KHDRBS2: variants seen among roughly 807,000 people sequenced by gnomAD.
KHDRBS2 encodes KH RNA binding domain containing, signal transduction associated 2, also known as KH domain-containing, RNA-binding, signal transduction-associated protein 2.
Under a neutral mutation model 44.3 loss-of-function variants are expected in KHDRBS2, and 26 were observed. That is an observed-to-expected ratio of 0.59 (90% CI 0.43 to 0.81). The LOEUF (loss-of-function observed/expected upper bound fraction) is 0.81, where lower values mean the gene tolerates loss of function less well. Among genes scored for constraint, KHDRBS2 ranks in the 40% least tolerant of loss-of-function variants. KHDRBS2 has a pLI of 0.00. For synonymous variants in KHDRBS2, 194 were observed against 151.1 expected (o/e 1.28, Z -2.08); for missense variants, 476 against 433.1 (o/e 1.10, Z -0.88).
the KHDRBS2 span, among the ~76,000 whole-genome samples, chr6:61,547,678 C>A: frequency 1.3e-5 from 2 of 152,196 alleles, no homozygotes; most frequent in East Asian, 3.9e-4. Context: ...CAATGCTGGA[C>A]CAATTAAGCC....
At chr6:61,772,437 A>G (rs572808290) in intron 6 of KHDRBS2, among the ~76,000 whole-genome samples, 3 of 152,132 alleles carry the variant, frequency 2.0e-5, no homozygotes, top group Non-Finnish European at 4.4e-5. Flanking sequence ...ACCAATAAAG[A>G]AGAAAAGAAT....
intron 1 of KHDRBS2, among the ~76,000 whole-genome samples, chr6:62,182,348 T>C (rs1822490997): frequency 1.3e-5 from 2 of 151,926 alleles, no homozygotes; most frequent in African/African-American, 4.8e-5. Flanking sequence ...GATACAAAGT[T>C]TCAGCTGTAA....
chr6:61,897,810 C>T (rs1486968939), intron 5 of KHDRBS2, among the ~76,000 whole-genome samples: 1 of 152,038 alleles, frequency 6.6e-6, no homozygotes, highest in East Asian at 1.9e-4. Context: ...TGACTACTCT[C>T]CTCTTTAACA....
intron 1 of KHDRBS2, among the ~76,000 whole-genome samples, chr6:62,237,811 T>A (rs1833940002): frequency 6.6e-6 from 1 of 151,906 alleles, no homozygotes; most frequent in Non-Finnish European, 1.5e-5. Flanking sequence ...GAGGCAGAGG[T>A]GGGCAGATCA....
intron 1 of KHDRBS2, among the ~76,000 whole-genome samples, chr6:62,253,905 G>GC (rs1836954550): frequency 6.6e-6 from 1 of 151,758 alleles, no homozygotes; most frequent in Admixed American, 6.6e-5. Context: ...CATTTACATA[G>GC]CCCTGAGGAC....
chr6:61,613,471 C>T, the KHDRBS2 span, among the ~76,000 whole-genome samples: 89,944 of 152,018 alleles, frequency 0.59, 26,819 homozygotes, highest in Non-Finnish European at 0.61. Flanking sequence ...CGACAGATGA[C>T]ATTTGTTGTG....
At chr6:61,785,240 A>T (rs1401635555) in intron 6 of KHDRBS2, among the ~76,000 whole-genome samples, 1 of 152,084 alleles carries the variant, frequency 6.6e-6, no homozygotes, top group Non-Finnish European at 1.5e-5. Flanking sequence ...TGCTACTCAG[A>T]ATCTAATACT....
chr6:62,198,023 C>G (rs1261740293), intron 1 of KHDRBS2, among the ~76,000 whole-genome samples: 2 of 151,954 alleles, frequency 1.3e-5, no homozygotes, highest in African/African-American at 4.8e-5. Context: ...GAAATAAAGA[C>G]GTTCTTTGAA....
intron 3 of KHDRBS2, among the ~76,000 whole-genome samples, chr6:62,003,773 ACTC>A (rs1224429570): frequency 6.6e-6 from 1 of 152,116 alleles, no homozygotes; most frequent in Non-Finnish European, 1.5e-5. Context: ...GAAGTAAAGC[ACTC>A]CTCAGCAAAT....
chr6:61,788,118 G>A (rs1474629736), intron 6 of KHDRBS2, among the ~76,000 whole-genome samples: 1 of 151,480 alleles, frequency 6.6e-6, no homozygotes, highest in African/African-American at 2.4e-5. Context: ...TACAAATACG[G>A]ACAAAATAAT....
chr6:62,093,239 T>A (rs888147334), intron 2 of KHDRBS2, among the ~76,000 whole-genome samples: 11 of 148,688 alleles, frequency 7.4e-5, no homozygotes, highest in African/African-American at 1.7e-4. Flanking sequence ...AAAAAAAAAA[T>A]TAAAAGAAGG....
chr6:61,605,016 G>C, the KHDRBS2 span, among the ~76,000 whole-genome samples: 3 of 152,090 alleles, frequency 2.0e-5, no homozygotes. Flanking sequence ...CTTCAGAAAA[G>C]GTAGAATGGA....
intron 4 of KHDRBS2, among the ~76,000 whole-genome samples, chr6:61,908,906 C>T (rs1463085009): frequency 1.3e-5 from 2 of 152,032 alleles, no homozygotes; most frequent in East Asian, 1.9e-4. Context: ...AATAAAATAT[C>T]CACACTCAAA....
chr6:62,055,370 C>A (rs1052951878), intron 2 of KHDRBS2, among the ~76,000 whole-genome samples: 4 of 151,858 alleles, frequency 2.6e-5, no homozygotes, highest in Non-Finnish European at 5.9e-5. Flanking sequence ...AATTTAAGAC[C>A]ATGATGACAT....
chr6:62,026,440 T>TA (rs199909533), intron 3 of KHDRBS2, among the ~76,000 whole-genome samples: 29,169 of 108,482 alleles, frequency 0.27, 3,327 homozygotes, highest in Admixed American at 0.38. Context: ...TTATTATTAT[T>TA]TTTTTTTTTG....
At chr6:61,607,147 C>T in the KHDRBS2 span, among the ~76,000 whole-genome samples, 1 of 151,050 alleles carries the variant, frequency 6.6e-6, no homozygotes, top group Non-Finnish European at 1.5e-5. Context: ...TAAAAAAGGA[C>T]AAAGTAGAGA....
chr6:62,257,833 A>G (rs1185575672), intron 1 of KHDRBS2, among the ~76,000 whole-genome samples: 1 of 151,950 alleles, frequency 6.6e-6, no homozygotes, highest in Non-Finnish European at 1.5e-5. Context: ...TTTTTTCCCC[A>G]GAAGCATAAA....
chr6:62,104,445 T>G lies in KHDRBS2; in HGVS notation c.220-56451A>C, dbSNP rs574793137. ...TTGAAATCATTCAAGTCATGCATCG[T>G]TATGTTCTATTACCATAATGGAATA... is the stretch of plus-strand genomic sequence containing the variant. On this transcript the variant is annotated intron_variant, in intron 2 of 8. Transcript: ENST00000281156. Among the ~76,000 whole-genome samples the G allele has an allele frequency of 5.9e-5, 9 of 152,322 alleles. No individual in the cohort carries two copies. The East Asian group carries it at 1.7e-3, about 29-fold the overall frequency.
chr6:61,927,065 T>A (rs1455672257), intron 4 of KHDRBS2, among the ~76,000 whole-genome samples: 1 of 152,028 alleles, frequency 6.6e-6, no homozygotes, highest in African/African-American at 2.4e-5. Flanking sequence ...AGAAACTGCC[T>A]AAGATTAGGA....
Sources: gnomAD v4.1 joint callset for allele counts (sites outside exome capture counted in the v4.1 genomes callset) on GRCh38, gnomAD v4.1.1 for gene constraint, MANE v1.5 for transcripts, NCBI Gene and HGNC (gene_info 2026-07-23, HGNC 2026-07-21) for gene names.